The following ARHGAP11B variants were observed in gnomAD, a reference collection of about 807,000 sequenced individuals.
ARHGAP11B encodes Rho GTPase activating protein 11B.
Under a neutral mutation model 27.6 loss-of-function variants are expected in ARHGAP11B, and 14 were observed. The ratio of observed to expected loss-of-function variants is 0.51; its 90% CI spans 0.34 to 0.79. The LOEUF (loss-of-function observed/expected upper bound fraction) is 0.79. Among genes scored for constraint, ARHGAP11B ranks in the 30% least tolerant of loss-of-function variants. The pLI, the probability that ARHGAP11B is intolerant of heterozygous loss-of-function variation, is 0.02. For synonymous variants in ARHGAP11B, 82 were observed against 114.1 expected (o/e 0.72, Z 1.80); for missense variants, 245 against 320.1 (o/e 0.77, Z 1.79).
chr15:30,643,477 T>C (rs896462028), intron 7 of ARHGAP11B, among the ~76,000 whole-genome samples: 1 of 151,834 alleles, frequency 6.6e-6, no homozygotes, highest in African/African-American at 2.4e-5. Context: ...CGGGATTTTA[T>C]CATGTTGGCC....
chr15:30,629,151 T>C (rs1044327486), intron 1 of ARHGAP11B, among the ~76,000 whole-genome samples: 1 of 152,084 alleles, frequency 6.6e-6, no homozygotes, highest in Non-Finnish European at 1.5e-5. Context: ...TAATTCTTCC[T>C]ACACCTCTAT....
At chr15:30,637,260 C>T (rs937287459) in intron 6 of ARHGAP11B, among the ~76,000 whole-genome samples, 2 of 151,844 alleles carry the variant, frequency 1.3e-5, no homozygotes, top group African/African-American at 4.8e-5. Context: ...TTTGAAATGA[C>T]CATCTTTATC....
intron 7 of ARHGAP11B, among the ~76,000 whole-genome samples, chr15:30,644,296 C>T (rs2060332818): frequency 6.6e-6 from 1 of 152,156 alleles, no homozygotes; most frequent in Non-Finnish European, 1.5e-5. Flanking sequence ...CCCCTTAGCA[C>T]TTGGCATAGA....
chr15:30,647,437 CATTTA>C (rs2060357407), intron 9 of ARHGAP11B, among the ~76,000 whole-genome samples: 1 of 151,770 alleles, frequency 6.6e-6, no homozygotes, highest in Non-Finnish European at 1.5e-5. Flanking sequence ...TAAGGGCAGT[CATTTA>C]GAGAATATAA....
intron 9 of ARHGAP11B, among the ~76,000 whole-genome samples, chr15:30,646,675 AT>A (rs2060350661): frequency 1.2e-5 from 1 of 84,882 alleles, no homozygotes; most frequent in Non-Finnish European, 2.6e-5. Flanking sequence ...AAAAAAAAAA[AT>A]ATGTGAAATT....
exon 4 of ARHGAP11B, chr15:30,634,387 G>A: frequency 2.5e-6 from 4 of 1,613,092 alleles, no homozygotes; most frequent in Non-Finnish European, 3.4e-6. Flanking sequence ...CATGTATTAA[G>A]ATACTTCTTT....
At chr15:30,645,211 A>G (rs2060339618) in intron 8 of ARHGAP11B, among the ~76,000 whole-genome samples, 2 of 152,024 alleles carry the variant, frequency 1.3e-5, no homozygotes, top group African/African-American at 2.4e-5. Flanking sequence ...AAAGTCAGAA[A>G]TTTTTACATA....
chr15:30,633,221 C>T (rs914842397), intron 2 of ARHGAP11B, among the ~76,000 whole-genome samples: 3 of 151,204 alleles, frequency 2.0e-5, no homozygotes, highest in East Asian at 1.9e-4. Context: ...ACAAGTCTTA[C>T]GCTCTGAAGG....
At chr15:30,627,070 T>C (rs2060213986) in intron 1 of ARHGAP11B, 121 bp downstream of exon 1, 1 of 1,409,404 alleles carries the variant, frequency 7.1e-7, no homozygotes, top group South Asian at 1.7e-5. Flanking sequence ...AGGTGTGTAA[T>C]TCAGTTCAGA....
At chr15:30,639,053 A>C (rs1301436657) in intron 7 of ARHGAP11B, among the ~76,000 whole-genome samples, 2 of 151,962 alleles carry the variant, frequency 1.3e-5, no homozygotes, top group Admixed American at 6.6e-5. Context: ...TATGTCTTTA[A>C]TCTTCTTAAT....
chr15:30,634,053 A>G, intron 3 of ARHGAP11B, 117 bp from the exon 4 acceptor site: 2 of 941,694 alleles, frequency 2.1e-6, no homozygotes, highest in Non-Finnish European at 3.2e-6. Context: ...ATATATTAAA[A>G]TAAGAGTTAA....
At chr15:30,628,256 A>AT (rs1395528429) in intron 1 of ARHGAP11B, among the ~76,000 whole-genome samples, 1 of 151,162 alleles carries the variant, frequency 6.6e-6, no homozygotes, top group Non-Finnish European at 1.5e-5. Flanking sequence ...AATTTTTTGT[A>AT]TTTTTTAGTA....
intron 8 of ARHGAP11B, among the ~76,000 whole-genome samples, chr15:30,645,398 CA>C (rs1244569749): frequency 6.6e-6 from 1 of 151,388 alleles, no homozygotes; most frequent in Non-Finnish European, 1.5e-5. Context: ...TAAAAACAAC[CA>C]AAAAAACCTG....
At chr15:30,631,625 G>A (rs1393057196) in intron 2 of ARHGAP11B, among the ~76,000 whole-genome samples, 1 of 152,054 alleles carries the variant, frequency 6.6e-6, no homozygotes, top group East Asian at 1.9e-4. Context: ...TATGCTCATT[G>A]CCACTGCACT....
chr15:30,645,821 C>T (rs989811496), intron 8 of ARHGAP11B, among the ~76,000 whole-genome samples: 1 of 151,984 alleles, frequency 6.6e-6, no homozygotes, highest in African/African-American at 2.4e-5. Flanking sequence ...TCGTATTCAA[C>T]TTTACATTTT....
intron 7 of ARHGAP11B, among the ~76,000 whole-genome samples, chr15:30,641,333 T>A (rs926463361): frequency 6.9e-6 from 1 of 145,024 alleles, no homozygotes; most frequent in Non-Finnish European, 1.5e-5. Context: ...TATTCATAAT[T>A]GTCTCTTTTT....
rs145727418 is a variant in ARHGAP11B at position 30,646,181 on chromosome 15, C to T, written c.*210C>T. ...TTTTGTAACAAGTGTGCTCGCAGAT[C>T]GACTCCAGTGAGAAGAGCTCGGGGA... On this transcript the variant is annotated 3_prime_UTR_variant, in exon 9 of 11. Transcript: ENST00000428041. The T allele has an allele frequency of 5.6e-6, 6 of 1,070,156 alleles. No individual in the cohort carries two copies. In the African/African-American group the frequency reaches 6.7e-5, roughly 12 times the overall value. 66.3% of individuals were successfully genotyped at this position (1,070,156 alleles called of 1,614,324 possible).
intron 6 of ARHGAP11B, among the ~76,000 whole-genome samples, chr15:30,637,044 C>A (rs1003118776): frequency 3.3e-5 from 5 of 152,012 alleles, no homozygotes. Context: ...GGAGATATTT[C>A]TCAGATGCAG....
exon 4 of ARHGAP11B, chr15:30,634,346 G>T: frequency 4.3e-6 from 7 of 1,613,472 alleles, no homozygotes; most frequent in Non-Finnish European, 5.9e-6. Flanking sequence ...CTATACTGTT[G>T]CTCTCCTGTC....
Sources: allele counts gnomAD v4.1 joint callset (sites outside exome capture counted in the v4.1 genomes callset), GRCh38; gene constraint gnomAD v4.1.1; transcripts MANE v1.5; gene names NCBI Gene and HGNC (gene_info 2026-07-23, HGNC 2026-07-21).